LPIN2: variants seen among roughly 807,000 people sequenced by gnomAD.
LPIN2 encodes lipin 2.
A neutral mutation model predicts 111.4 loss-of-function variants in LPIN2; 55 were observed. The observed-to-expected ratio is 0.49, with a 90% CI of 0.40 to 0.62. The LOEUF is 0.62. LPIN2 is among the 20% of genes least tolerant of loss of function. The probability of loss-of-function intolerance (pLI) is 0.00; values close to 1 mark genes in which losing one functional copy is unlikely to be tolerated. For missense variants in LPIN2, 992 were observed against 1,112.1 expected (o/e 0.89, Z 1.54); for synonymous variants, 425 against 414.0 (o/e 1.03, Z -0.32).
At chr18:2,923,951 A>G in intron 15 of LPIN2, 90 bp from the exon 16 acceptor site, 1 of 1,018,558 alleles carries the variant, frequency 9.8e-7, no homozygotes, top group Non-Finnish European at 1.6e-6. Context: ...GCCAATAACT[A>G]ATTGGTGGCG....
chr18:2,984,917 C>G (rs1207343288), intron 1 of LPIN2, among the ~76,000 whole-genome samples: 1 of 152,152 alleles, frequency 6.6e-6, no homozygotes, highest in African/African-American at 2.4e-5. Flanking sequence ...AAAGGCTTAG[C>G]AAGTGAGGCG....
chr18:2,985,104 G>A (rs1756670614), intron 1 of LPIN2: 1 of 152,236 alleles, frequency 6.6e-6, no homozygotes, highest in South Asian at 2.1e-4. Flanking sequence ...CTGACTGCAA[G>A]GAACATGTAC....
rs1322637281 is a variant in LPIN2 at position 2,919,995 on chromosome 18, T to C, written c.*298A>G. 8.1e-6 allele frequency: 4 copies of C among 491,446 alleles called. No individual in the cohort carries two copies. The highest frequency in any genetic ancestry group is 3.9e-5 in the African/African-American group (2 of 51,486). The allele number at this position is 491,446 out of a possible 1,614,324, so 30.4% of individuals were successfully genotyped here. Reference sequence around the variant, plus strand: ...TAGCTGCTTTTTTCTTCCTTTAAAATGATGCAATGGAAGGAGGCCCCAGCT... The same window carrying C: ...TAGCTGCTTTTTTCTTCCTTTAAAACGATGCAATGGAAGGAGGCCCCAGCT... On this transcript the variant is annotated 3_prime_UTR_variant, in exon 20 of 20. Coordinates refer to ENST00000677752, the MANE Select transcript of LPIN2 (RefSeq NM_001375808.2).
chr18:3,012,033 A>C (rs978727512), intron 1 of LPIN2: 3 of 152,254 alleles, frequency 2.0e-5, no homozygotes, highest in Non-Finnish European at 4.4e-5. Flanking sequence ...AATATTTCAA[A>C]ATGTATTTCA....
At chr18:2,958,796 A>T (rs2077662873) in intron 2 of LPIN2, among the ~76,000 whole-genome samples, 1 of 152,214 alleles carries the variant, frequency 6.6e-6, no homozygotes, top group Non-Finnish European at 1.5e-5. Flanking sequence ...AGAGGCACAC[A>T]GCAAGCAGGA....
rs2077037729 is a variant in LPIN2 at position 2,920,502 on chromosome 18, G to C, written c.2547-65C>G. 13 of 1,571,516 alleles carry C rather than the reference G, an allele frequency of 8.3e-6. No individual in the cohort carries two copies. The South Asian group carries it at 1.3e-4, about 16-fold the overall frequency. On this transcript the variant is annotated intron_variant, in intron 19 of 19. Coordinates refer to ENST00000677752, the MANE Select transcript of LPIN2 (RefSeq NM_001375808.2). ...CAAGATCGGTCAAAGGCACAAGATG[G>C]GGGGCTGTGAAGCTGTCACTCAGAT...
intron 1 of LPIN2, chr18:2,990,684 T>C (rs2078252365): frequency 3.5e-6 from 1 of 284,322 alleles, no homozygotes; most frequent in Non-Finnish European, 7.1e-6. Context: ...TCCATGACTC[T>C]CCATTTATGA....
rs971905765 is a variant in LPIN2 at position 2,919,737 on chromosome 18, G to A, written c.*556C>T. 3.9e-5 allele frequency: 7 copies of A among 177,958 alleles called. No individual in the cohort carries two copies. The East Asian group carries it at 6.0e-4, about 15-fold the overall frequency. 11.0% of individuals were successfully genotyped at this position (177,958 alleles called of 1,614,324 possible). On this transcript the variant is annotated 3_prime_UTR_variant, in exon 20 of 20. Coordinates refer to ENST00000677752, the MANE Select transcript of LPIN2 (RefSeq NM_001375808.2). ...TCTGGTGCATGGGCCCTGCAGGGGC[G>A]GGGGTCCTGCCCAACTTGGCCCACT...
rs1358925773 is a variant in LPIN2 at position 2,950,940 on chromosome 18, AG to A, written c.590+114del. On this transcript the variant is annotated intron_variant, in intron 4 of 19. Transcript: ENST00000677752. ...TGCTTGATTCCACAATAAACTGTAAAGGGGGAAAACAAGCCCAAACCTCACA... is the reference window on the plus strand; with the variant it reads ...TGCTTGATTCCACAATAAACTGTAAAGGGGAAAACAAGCCCAAACCTCACA... 4.6e-6 allele frequency: 5 copies of A among 1,089,706 alleles called. No homozygotes were observed. The African/African-American group carries it at 7.7e-5, about 17-fold the overall frequency. The allele number at this position is 1,089,706 out of a possible 1,614,324, so 67.5% of individuals were successfully genotyped here.
At chr18:2,921,263 G>C (rs2077049879) in intron 18 of LPIN2, 1 of 573,064 alleles carries the variant, frequency 1.7e-6, no homozygotes, top group African/African-American at 1.9e-5. Context: ...GCTTAGAAGA[G>C]GAGCCGGAGC....
chr18:2,945,813 G>A lies in LPIN2; in HGVS notation c.591-5101C>T, dbSNP rs542245019. On this transcript the variant is annotated intron_variant, in intron 4 of 19. Transcript: ENST00000677752. ...TGGAAGTGAATTTTTAGCCTATACT[G>A]AAATGGTAACTTCACCTCCAGTCTG... The A allele has an allele frequency of 2.3e-5, 33 of 1,439,456 alleles. No individual in the cohort carries two copies. In the East Asian group the frequency reaches 3.4e-4, roughly 15 times the overall value. The allele number at this position is 1,439,456 out of a possible 1,614,324, so 89.2% of individuals were successfully genotyped here. A position where few individuals can be genotyped will look rare whatever the true frequency, so the allele number is the denominator to read the frequency against.
chr18:3,008,479 T>C (rs1418146841), intron 1 of LPIN2, among the ~76,000 whole-genome samples: 1 of 152,208 alleles, frequency 6.6e-6, no homozygotes, highest in Non-Finnish European at 1.5e-5. Context: ...TCTAAGGTCA[T>C]TTATCCCTTT....
intron 9 of LPIN2, among the ~76,000 whole-genome samples, chr18:2,929,775 G>C (rs902595904): frequency 6.6e-6 from 1 of 152,072 alleles, no homozygotes; most frequent in African/African-American, 2.4e-5. Flanking sequence ...GTATGGTGGT[G>C]CCAACCTGTA....
chr18:2,951,008 G>T, intron 4 of LPIN2, 47 bp downstream of exon 4: 1 of 1,608,098 alleles, frequency 6.2e-7, no homozygotes, highest in South Asian at 1.1e-5. Context: ...GGCTTCACAT[G>T]AACTCTAGGT....
chr18:2,934,192 G>A (rs2077252597), intron 8 of LPIN2, among the ~76,000 whole-genome samples, 159 bp downstream of exon 8: 1 of 152,144 alleles, frequency 6.6e-6, no homozygotes, highest in South Asian at 2.1e-4. Flanking sequence ...ATTGAAATAA[G>A]ACACGCGCTA....
intron 17 of LPIN2, 82 bp from the exon 18 acceptor site, chr18:2,921,729 C>A: frequency 1.1e-6 from 1 of 948,536 alleles, no homozygotes; most frequent in Non-Finnish European, 1.7e-6. Flanking sequence ...TTAGTGCTCA[C>A]AACCACCCAA....
intron 1 of LPIN2, among the ~76,000 whole-genome samples, chr18:3,002,888 A>G (rs1369290302): frequency 6.6e-6 from 1 of 152,210 alleles, no homozygotes; most frequent in African/African-American, 2.4e-5. Context: ...GCAGAAGCAG[A>G]CCTACTTGAT....
intron 1 of LPIN2, among the ~76,000 whole-genome samples, chr18:3,010,663 T>TA (rs778285192): frequency 6.6e-6 from 1 of 152,104 alleles, no homozygotes; most frequent in African/African-American, 2.4e-5. Context: ...AAATCAGACT[T>TA]AAAGAAAAGC....
In LPIN2 at chr18:2,927,738, T is replaced by C. The variant is rs565682994; in HGVS notation, c.1694A>G (p.Glu565Gly). The change falls in exon 12 of 20, where the codon GAA (glutamate) becomes GGA (glycine). Residue 565 changes from glutamate to glycine, a missense_variant. Coordinates refer to ENST00000677752, the MANE Select transcript of LPIN2 (RefSeq NM_001375808.2). ...SGRWWFWRKR[E>G]SMTKQLPESK... is the part of the protein sequence containing the mutation. Reference sequence around the variant, plus strand: ...GTCTGTTACCTGTTTGGTCATGCTTTCTCTCTTTCGCCAAAACCACCAGCG... The same window carrying C: ...GTCTGTTACCTGTTTGGTCATGCTTCCTCTCTTTCGCCAAAACCACCAGCG... 1 of 1,614,198 alleles carries C rather than the reference T, an allele frequency of 6.2e-7. No homozygotes were observed. Among genetic ancestry groups the C allele is most frequent in the East Asian group, 2.2e-5 (1 of 44,886 alleles).
Sources: allele counts gnomAD v4.1 joint callset (sites outside exome capture counted in the v4.1 genomes callset), GRCh38; gene constraint gnomAD v4.1.1; transcripts MANE v1.5; gene names NCBI Gene and HGNC (gene_info 2026-07-23, HGNC 2026-07-21).